The following CNTNAP2 variants were observed in gnomAD, a reference collection of about 807,000 sequenced individuals.
CNTNAP2 encodes contactin-associated protein-like 2.
A neutral mutation model predicts 155.2 loss-of-function variants in CNTNAP2; 98 were observed. That is an observed-to-expected ratio of 0.63 (90% CI 0.54 to 0.75). The LOEUF (loss-of-function observed/expected upper bound fraction) is 0.75, where lower values mean the gene tolerates loss of function less well. Ranked by LOEUF, CNTNAP2 falls within the 30% of genes least tolerant of loss-of-function variation. CNTNAP2 has a pLI of 0.00. For synonymous variants in CNTNAP2, 651 were observed against 631.2 expected (o/e 1.03, Z -0.47); for missense variants, 1,727 against 1,688.1 (o/e 1.02, Z -0.40).
chr7:146,701,160 A>G (rs1241390794), intron 1 of CNTNAP2, among the ~76,000 whole-genome samples: 1 of 152,158 alleles, frequency 6.6e-6, no homozygotes, highest in Non-Finnish European at 1.5e-5. Flanking sequence ...CGGGAAAGAT[A>G]TTTTTCAGTT....
intron 1 of CNTNAP2, among the ~76,000 whole-genome samples, chr7:146,399,704 C>T (rs775927731): frequency 3.3e-5 from 5 of 152,084 alleles, no homozygotes; most frequent in Non-Finnish European, 5.9e-5. Flanking sequence ...GATTGCTGTA[C>T]CATATGGTAG....
At chr7:147,818,560 T>C (rs1798311800) in intron 13 of CNTNAP2, among the ~76,000 whole-genome samples, 1 of 152,206 alleles carries the variant, frequency 6.6e-6, no homozygotes, top group Non-Finnish European at 1.5e-5. Flanking sequence ...ACGTGGTCTG[T>C]TGGGAGATGC....
At chr7:146,196,911 G>A (rs1377637477) in intron 1 of CNTNAP2, among the ~76,000 whole-genome samples, 1 of 152,074 alleles carries the variant, frequency 6.6e-6, no homozygotes, top group African/African-American at 2.4e-5. Flanking sequence ...ACTAATGACA[G>A]TTTATCTTCA....
Position 147,646,826 on chromosome 7 carries a change from T to G in CNTNAP2, c.2098+7520T>G, listed in dbSNP as rs553500098. Among the ~76,000 whole-genome samples the G allele has an allele frequency of 1.2e-3, 178 of 152,328 alleles. 1 individual carries two copies. The highest frequency in any genetic ancestry group is 3.4e-3 in the Middle Eastern group (1 of 294). ...AAGAGGACAAAGTACAATCTTCCCA[T>G]GTACTCAGGAGCAAAGATCACGTGG... On this transcript the variant is annotated intron_variant, in intron 13 of 23. Coordinates refer to ENST00000361727, the MANE Select transcript of CNTNAP2 (RefSeq NM_014141.6).
intron 9 of CNTNAP2, among the ~76,000 whole-genome samples, chr7:147,321,399 C>T (rs1795348115): frequency 6.6e-6 from 1 of 152,168 alleles, no homozygotes; most frequent in Non-Finnish European, 1.5e-5. Flanking sequence ...AGACTTACAC[C>T]ATAATGCAGT....
intron 15 of CNTNAP2, among the ~76,000 whole-genome samples, chr7:148,038,374 T>A (rs1171777739): frequency 6.6e-6 from 1 of 152,182 alleles, no homozygotes; most frequent in African/African-American, 2.4e-5. Context: ...CTCTGATCCT[T>A]TGAGACTCAG....
chr7:146,726,175 A>G (rs1330677428), intron 1 of CNTNAP2, among the ~76,000 whole-genome samples: 1 of 152,206 alleles, frequency 6.6e-6, no homozygotes, highest in Non-Finnish European at 1.5e-5. Context: ...TCATTGGTAT[A>G]GAGAAACAAA....
At chr7:148,252,322 A>G (rs34640482) in intron 20 of CNTNAP2, among the ~76,000 whole-genome samples, 93 of 152,260 alleles carry the variant, frequency 6.1e-4, no homozygotes, top group Middle Eastern at 3.4e-3. Flanking sequence ...GTAGCTACAC[A>G]TGAACTAATT....
intron 1 of CNTNAP2, among the ~76,000 whole-genome samples, chr7:146,121,917 T>A (rs944144911): frequency 1.3e-5 from 2 of 152,200 alleles, no homozygotes; most frequent in African/African-American, 4.8e-5. Flanking sequence ...ATAATACTTG[T>A]AACAGAGTGA....
chr7:148,131,087 C>CTTTTTTTTTTTTTT (rs755587892), intron 16 of CNTNAP2, among the ~76,000 whole-genome samples: 9 of 97,184 alleles, frequency 9.3e-5, no homozygotes, highest in East Asian at 3.0e-4. Flanking sequence ...TTTTCTTCTT[C>CTTTTTTTTTTTTTT]TTTTTTTTTT....
At chr7:147,658,835 T>C (rs988758526) in intron 13 of CNTNAP2, among the ~76,000 whole-genome samples, 1 of 152,198 alleles carries the variant, frequency 6.6e-6, no homozygotes. Flanking sequence ...GTTCTGTTAA[T>C]GTACTCAATC....
intron 13 of CNTNAP2, among the ~76,000 whole-genome samples, chr7:147,664,627 G>T (rs1338129665): frequency 6.6e-6 from 1 of 152,152 alleles, no homozygotes; most frequent in Non-Finnish European, 1.5e-5. Flanking sequence ...TATCGGTCCA[G>T]TACAGTTCCT....
chr7:146,283,504 A>T (rs976840446), intron 1 of CNTNAP2, among the ~76,000 whole-genome samples: 1 of 152,136 alleles, frequency 6.6e-6, no homozygotes, highest in Admixed American at 6.5e-5. Flanking sequence ...AGTAGCAGGG[A>T]CCACAGGTGT....
At chr7:147,625,366 C>T (rs915639450) in intron 12 of CNTNAP2, among the ~76,000 whole-genome samples, 33 of 151,942 alleles carry the variant, frequency 2.2e-4, no homozygotes, top group Admixed American at 4.6e-4. Flanking sequence ...TCATGTACCC[C>T]ATAAATATAT....
intron 1 of CNTNAP2, among the ~76,000 whole-genome samples, chr7:146,603,204 AG>A (rs1798979425): frequency 6.6e-6 from 1 of 151,332 alleles, no homozygotes; most frequent in Non-Finnish European, 1.5e-5. Flanking sequence ...TGAGGTCAGG[AG>A]ATCGAGACCA....
rs144715398 is a variant in CNTNAP2, at chr7:148,221,284, G to C, written c.3247+3760G>C. The stretch of plus-strand genomic sequence containing the variant: ...ATGAGCTGCACAACTCTATGAAGTA[G>C]ATACTATTATTATTTCCTTTCTACT... On this transcript the variant is annotated intron_variant, in intron 19 of 23. Transcript: ENST00000361727. Among the ~76,000 whole-genome samples, 59 of 152,312 alleles carry C rather than the reference G, an allele frequency of 3.9e-4. 2 individuals are homozygous for C. The East Asian group carries it at 0.011, about 29-fold the overall frequency.
At chr7:148,033,761 G>A (rs189061702) in intron 15 of CNTNAP2, among the ~76,000 whole-genome samples, 1 of 152,196 alleles carries the variant, frequency 6.6e-6, no homozygotes, top group Non-Finnish European at 1.5e-5. Flanking sequence ...GTATGTGCAA[G>A]TGTATGTGCA....
At chr7:148,229,581 G>A (rs1795922094) in intron 19 of CNTNAP2, 65 bp from the exon 20 acceptor site, 2 of 1,548,150 alleles carry the variant, frequency 1.3e-6, no homozygotes, top group Non-Finnish European at 1.8e-6. Flanking sequence ...AGGAATTGAG[G>A]GGATGTGACA....
chr7:147,661,542 G>A (rs1308817464), intron 13 of CNTNAP2, among the ~76,000 whole-genome samples: 1 of 146,178 alleles, frequency 6.8e-6, no homozygotes, highest in Non-Finnish European at 1.5e-5. Context: ...TCTGCTAATT[G>A]CTTCTTCTTC....
Sources: gnomAD v4.1 joint callset for allele counts (sites outside exome capture counted in the v4.1 genomes callset) on GRCh38, gnomAD v4.1.1 for gene constraint, MANE v1.5 for transcripts, NCBI Gene and HGNC (gene_info 2026-07-23, HGNC 2026-07-21) for gene names.